Variants in DMBT1 observed in about 807,000 individuals in gnomAD.
The protein encoded by DMBT1 is scavenger receptor cysteine-rich domain-containing protein DMBT1.
DMBT1 carries 198 observed loss-of-function variants against 252.9 expected under a neutral mutation model. The ratio of observed to expected loss-of-function variants is 0.78; its 90% CI spans 0.70 to 0.88. The LOEUF is 0.88. Among genes scored for constraint, DMBT1 ranks in the 40% least tolerant of loss-of-function variants. The pLI, the probability that DMBT1 is intolerant of heterozygous loss-of-function variation, is 0.00. For synonymous variants in DMBT1, 990 were observed against 942.7 expected (o/e 1.05, Z -0.92); for missense variants, 2,432 against 2,404.7 (o/e 1.01, Z -0.24).
chr10:122,569,341 G>A (rs1245269999), intron 2 of DMBT1, among the ~76,000 whole-genome samples: 2 of 152,106 alleles, frequency 1.3e-5, no homozygotes, highest in Non-Finnish European at 2.9e-5. Flanking sequence ...GTGAACCAAA[G>A]CATTCTCTTT....
At chr10:122,637,775 C>T (rs2098239145) in intron 54 of DMBT1, among the ~76,000 whole-genome samples, 1 of 152,222 alleles carries the variant, frequency 6.6e-6, no homozygotes, top group African/African-American at 2.4e-5. Context: ...AGGAGGCCTG[C>T]ACATTGCAGT....
intron 4 of DMBT1, among the ~76,000 whole-genome samples, chr10:122,571,347 G>A (rs570185943): frequency 5.5e-4 from 84 of 152,272 alleles, no homozygotes; most frequent in Middle Eastern, 3.4e-3. Flanking sequence ...CTGATGAGCA[G>A]CATCACGACA....
rs1431311557 is a variant in DMBT1 at position 122,591,428 on chromosome 10, C to G, written c.2138-51C>G. 1.3e-6 allele frequency: 2 copies of G among 1,544,100 alleles called. 1 individual carries two copies. Among genetic ancestry groups the G allele is most frequent in the African/African-American group, 2.7e-5 (2 of 74,276 alleles). Reference sequence around the variant, plus strand: ...TGTCCAGAGACCTTTCCTTTTGGAGCTTTTCTCCCTCAACTTTAATTCTAG... The same window carrying G: ...TGTCCAGAGACCTTTCCTTTTGGAGGTTTTCTCCCTCAACTTTAATTCTAG... On this transcript the variant is annotated intron_variant, in intron 18 of 55. Coordinates refer to ENST00000338354, the MANE Select transcript of DMBT1 (RefSeq NM_001377530.1).
At chr10:122,578,536 G>T (rs1006883835) in intron 8 of DMBT1, among the ~76,000 whole-genome samples, 182 bp from the exon 9 acceptor site, 2 of 152,160 alleles carry the variant, frequency 1.3e-5, no homozygotes, top group Non-Finnish European at 2.9e-5. Context: ...GGCCTGCATG[G>T]TGTCCTTTGT....
chr10:122,586,264 C>T lies in DMBT1; in HGVS notation c.1664C>T (p.Pro555Leu). The change falls in exon 16 of 56, where the codon CCC becomes CTC. Residue 555 changes from proline (P) to leucine (L), a missense_variant. By Grantham distance (98) the Pro-to-Leu change is moderately conservative. Around this residue, in one of 3 missense-constraint regions of DMBT1, gnomAD observed 1,264 missense variants for 1,082.2 expected, o/e 1.17. Transcript: ENST00000338354. ...GCCCGGTTTGGTCAGGGCTCAGGAC[C>T]CATTGTCCTGGATGACGTGCGCTGC... is the stretch of plus-strand genomic sequence containing the variant. The part of the protein sequence containing the change: ...GNARFGQGSG[P>L]IVLDDVRCSG... 2 of 1,588,804 alleles carry T rather than the reference C, an allele frequency of 1.3e-6. 1 individual carries two copies. Among genetic ancestry groups the T allele is most frequent in the Non-Finnish European group, 1.7e-6 (2 of 1,165,924 alleles).
At chr10:122,618,542 A>G (rs2098025118) in intron 41 of DMBT1, among the ~76,000 whole-genome samples, 1 of 152,240 alleles carries the variant, frequency 6.6e-6, no homozygotes, top group Non-Finnish European at 1.5e-5. Context: ...CAGGGCTCCG[A>G]ACTGAAACAA....
At position 122,617,381 on chromosome 10, in the gene DMBT1, G is replaced by T. The variant is rs1042491340; in HGVS notation, c.4891+121G>T. 11 of 1,220,810 alleles carry T rather than the reference G, an allele frequency of 9.0e-6. No individual in the cohort carries two copies. The African/African-American group carries it at 1.7e-4, about 19-fold the overall frequency. The allele number at this position is 1,220,810 out of a possible 1,614,324, so 75.6% of individuals were successfully genotyped here. On this transcript the variant is annotated intron_variant, in intron 40 of 55. Coordinates refer to ENST00000338354, the MANE Select transcript of DMBT1 (RefSeq NM_001377530.1). ...TTTTCATGTCCCTGTGGGTTGGGTG[G>T]GAGGAAGGTGGAGTTTCTAGGGAGT...
rs754496710 is a variant in DMBT1 at position 122,618,295 on chromosome 10, T to A, written c.5170T>A (p.Ser1724Thr). The A allele has an allele frequency of 3.7e-6, 6 of 1,613,724 alleles. No homozygotes were observed. Among genetic ancestry groups the A allele is most frequent in the Admixed American group, 1.7e-5 (1 of 59,996 alleles). ...GAGCTGCCCCCACAATGGCTGGCTC[T>A]CCCACAACTGTGGCCATCATGAAGA... Reference protein sequence around the residue: ...LWSCPHNGWLSHNCGHHEDAG... With the variant: ...LWSCPHNGWLTHNCGHHEDAG... The change falls in exon 41 of 56, where the codon TCC becomes ACC. Residue 1724 changes from serine to threonine, a missense_variant. By Grantham distance (58) the Ser-to-Thr change is moderately conservative. Around this residue, in one of 3 missense-constraint regions of DMBT1, gnomAD observed 1,162 missense variants for 1,169.0 expected, o/e 0.99. Transcript: ENST00000338354.
At position 122,631,862 on chromosome 10, in the gene DMBT1, T is replaced by G. The variant is rs773225123; in HGVS notation, c.6354T>G (p.His2118Gln). ...EDAGVICSGN[H>Q]LSTPAPFLNI... ...TTTCTATTCCTTTTTCAGGAAACCA[T>G]CTATCGACACCTGGTAAGTCCCTCC... Residue 2118 changes from histidine to glutamine, a missense_variant, in exon 50 of 56, where the codon CAT becomes CAG. Around this residue, in one of 3 missense-constraint regions of DMBT1, gnomAD observed 1,162 missense variants for 1,169.0 expected, o/e 0.99. Transcript: ENST00000338354. The G allele has an allele frequency of 6.2e-7, 1 of 1,613,884 alleles. No individual in the cohort carries two copies. Among genetic ancestry groups the G allele is most frequent in the Non-Finnish European group, 8.5e-7 (1 of 1,179,826 alleles).
chr10:122,598,146 G>T, intron 25 of DMBT1, 134 bp downstream of exon 25: 1 of 1,366,522 alleles, frequency 7.3e-7, no homozygotes, highest in Non-Finnish European at 1.0e-6. Context: ...TGGGAGGAAG[G>T]TAGCGTCTCT....
In DMBT1 at chr10:122,631,178, T is replaced by C. The variant is rs547153361; in HGVS notation, c.6243T>C (p.Asp2081=). The C allele has an allele frequency of 9.3e-6, 15 of 1,614,002 alleles. No individual in the cohort carries two copies. In the East Asian group the frequency reaches 2.5e-4, roughly 26 times the overall value. Residue 2081 remains aspartate, a synonymous_variant, in exon 49 of 56, where the codon GAT becomes GAC. Transcript: ENST00000338354. ...GSGSGPITLD[D]VECSGTESTL... is the part of the protein sequence containing the mutation. ...GCTCTGGCCCCATCACCCTGGACGATGTAGAGTGCTCAGGGACGGAATCCA... is the reference window on the plus strand; with the variant it reads ...GCTCTGGCCCCATCACCCTGGACGACGTAGAGTGCTCAGGGACGGAATCCA...
intron 44 of DMBT1, among the ~76,000 whole-genome samples, chr10:122,622,336 G>A (rs1317005951): frequency 6.6e-6 from 1 of 152,148 alleles, no homozygotes; most frequent in Non-Finnish European, 1.5e-5. Flanking sequence ...CTATTATTAG[G>A]GATGCTTTTG....
chr10:122,623,341 G>A (rs1331110616), intron 44 of DMBT1, among the ~76,000 whole-genome samples: 1 of 152,214 alleles, frequency 6.6e-6, no homozygotes, highest in African/African-American at 2.4e-5. Context: ...TCTTTTGGCT[G>A]TTGTGAATAA....
At chr10:122,636,837 T>C (rs1231470156) in intron 53 of DMBT1, among the ~76,000 whole-genome samples, 1 of 152,248 alleles carries the variant, frequency 6.6e-6, no homozygotes, top group Non-Finnish European at 1.5e-5. Flanking sequence ...ACTTTATAGA[T>C]AAATGGTAAC....
At chr10:122,580,234 G>A (rs2097756142) in intron 10 of DMBT1, among the ~76,000 whole-genome samples, 1 of 152,218 alleles carries the variant, frequency 6.6e-6, no homozygotes, top group Non-Finnish European at 1.5e-5. Context: ...AGCACAGACA[G>A]CAAGGCAGGG....
chr10:122,632,606 T>C (rs866886266), intron 50 of DMBT1, among the ~76,000 whole-genome samples: 8 of 152,106 alleles, frequency 5.3e-5, no homozygotes, highest in African/African-American at 1.4e-4. Context: ...CCCCACTCCA[T>C]CTGGGGCAGG....
At position 122,593,644 on chromosome 10, in the gene DMBT1, C is replaced by G. The variant is rs568063171; in HGVS notation, c.2530+46C>G. 6.4e-6 allele frequency: 10 copies of G among 1,555,854 alleles called. 2 individuals carry two copies. The East Asian group carries it at 2.4e-4, about 37-fold the overall frequency. ...CTCAAAATGTCCCTTCTCTTTCTGCCCAATCACCCCTTCCACACTCCACAG... is the reference window on the plus strand; with the variant it reads ...CTCAAAATGTCCCTTCTCTTTCTGCGCAATCACCCCTTCCACACTCCACAG... On this transcript the variant is annotated intron_variant, in intron 21 of 55. Transcript: ENST00000338354.
chr10:122,640,302 C>T lies in DMBT1; in HGVS notation c.7205C>T (p.Pro2402Leu). 6.2e-7 allele frequency: 1 copy of T among 1,614,064 alleles called. No individual in the cohort carries two copies. Among genetic ancestry groups the T allele is most frequent in the Non-Finnish European group, 8.5e-7 (1 of 1,179,898 alleles). ...TTCTTGTATCCTGTGACCAGCCGCC[C>T]TTACTACGTGGACCTGAACCAGGAC... ...SSFLYPVTSR[P>L]YYVDLNQDLY... is the part of the protein sequence containing the mutation. Residue 2402 changes from proline to leucine, a missense_variant, in exon 55 of 56, where the codon CCT (proline) becomes CTT (leucine). Physicochemically the swap from Pro to Leu is moderately conservative, Grantham distance 98. Transcript: ENST00000338354.
intron 44 of DMBT1, among the ~76,000 whole-genome samples, chr10:122,622,546 G>A (rs4752710): frequency 0.29 from 44,384 of 152,038 alleles, 9,269 homozygotes; most frequent in African/African-American, 0.57. Flanking sequence ...CTTTTTGCAT[G>A]TGGCTGAGAG....
Sources: gnomAD v4.1 joint callset for allele counts (sites outside exome capture counted in the v4.1 genomes callset) on GRCh38, gnomAD v4.1.1 for gene constraint, gnomAD v4.1.1 regional missense constraint, MANE v1.5 for transcripts, NCBI Gene and HGNC (gene_info 2026-07-23, HGNC 2026-07-21) for gene names.